STK33: variants seen among roughly 807,000 people sequenced by gnomAD.
The protein encoded by STK33 is serine/threonine-protein kinase 33.
STK33 carries 52 observed loss-of-function variants against 58.0 expected under a neutral mutation model. The ratio of observed to expected loss-of-function variants is 0.90; its 90% CI spans 0.72 to 1.13. STK33 has a LOEUF of 1.13. Among genes scored for constraint, STK33 ranks in the 50% most tolerant of loss-of-function variants. The pLI is 0.00. For missense variants in STK33, 630 were observed against 604.2 expected (o/e 1.04, Z -0.45); for synonymous variants, 215 against 200.1 (o/e 1.07, Z -0.63).
intron 1 of STK33, among the ~76,000 whole-genome samples, chr11:8,495,881 G>A (rs12577569): frequency 0.096 from 14,536 of 151,378 alleles, 1,673 homozygotes; most frequent in African/African-American, 0.28. Flanking sequence ...TCTCACTCAT[G>A]GATGGGAAGT....
intron 1 of STK33, among the ~76,000 whole-genome samples, chr11:8,520,269 A>C (rs538268671): frequency 1.8e-3 from 269 of 152,368 alleles, no homozygotes; most frequent in Non-Finnish European, 3.1e-3. Flanking sequence ...AAGATGCAGA[A>C]AAGGCCTTTG....
chr11:8,406,147 A>T (rs1373888418), intron 15 of STK33, among the ~76,000 whole-genome samples: 1 of 66,266 alleles, frequency 1.5e-5, no homozygotes, highest in Non-Finnish European at 2.7e-5. Flanking sequence ...CGTCTCAAAA[A>T]AAAAAAAAAA....
In STK33 at chr11:8,413,753, C is replaced by A. The variant is rs1261016691; in HGVS notation, c.1147-61G>T. Reference sequence around the variant, plus strand: ...ACTTAGAGAATTGAGACGATACCTACATCATTTAGCGAGACAGTCTCCCAA... The same window carrying A: ...ACTTAGAGAATTGAGACGATACCTAAATCATTTAGCGAGACAGTCTCCCAA... On this transcript the variant is annotated intron_variant, in intron 14 of 15. Coordinates refer to ENST00000687296, the MANE Select transcript of STK33 (RefSeq NM_001352389.2). The A allele has an allele frequency of 2.8e-6, 4 of 1,426,730 alleles. No individual in the cohort carries two copies. The East Asian group carries it at 9.1e-5, about 33-fold the overall frequency. 88.4% of individuals were successfully genotyped at this position (1,426,730 alleles called of 1,614,324 possible).
At chr11:8,387,083 C>T (rs1358812455), downstream of STK33, among the ~76,000 whole-genome samples, 6 of 152,328 alleles carry the variant, frequency 3.9e-5, no homozygotes, top group East Asian at 3.9e-4. Flanking sequence ...ACTTTTATCA[C>T]GCAAAGTCCT....
chr11:8,592,209 C>T (rs1189587981), intron 1 of STK33, among the ~76,000 whole-genome samples: 1 of 152,136 alleles, frequency 6.6e-6, no homozygotes, highest in East Asian at 1.9e-4. Context: ...TCGCCCCAGG[C>T]TCCAGGGATA....
chr11:8,568,784 T>C (rs535494407), intron 1 of STK33, among the ~76,000 whole-genome samples: 1 of 152,166 alleles, frequency 6.6e-6, no homozygotes, highest in Non-Finnish European at 1.5e-5. Flanking sequence ...CCCTTACATA[T>C]CCTTTGTAGA....
At chr11:8,568,580 C>T (rs1225017575) in intron 1 of STK33, among the ~76,000 whole-genome samples, 2 of 152,038 alleles carry the variant, frequency 1.3e-5, no homozygotes, top group Non-Finnish European at 2.9e-5. Context: ...AAAAATTAGA[C>T]GTTTGAAGTT....
rs563977558 is a variant in STK33, at chr11:8,576,333, C to T, written c.-466+17750G>A. Among the ~76,000 whole-genome samples, 3 of 152,320 alleles carry T rather than the reference C, an allele frequency of 2.0e-5. No individual in the cohort carries two copies. In the South Asian group the frequency reaches 6.2e-4, roughly 32 times the overall value. On this transcript the variant is annotated intron_variant, in intron 1 of 15. Coordinates refer to ENST00000687296, the MANE Select transcript of STK33 (RefSeq NM_001352389.2). ...CATTCAAAACACGAATTACAACCAA[C>T]ATTCAAGTCAGTGTGTTCTTAGGCC...
chr11:8,377,158 T>C, the STK33 span, among the ~76,000 whole-genome samples: 1 of 152,150 alleles, frequency 6.6e-6, no homozygotes, highest in Admixed American at 6.5e-5. Context: ...AAGCAAAAAC[T>C]AGAAGCTAGA....
chr11:8,383,265 C>A, the STK33 span, among the ~76,000 whole-genome samples: 2 of 152,168 alleles, frequency 1.3e-5, no homozygotes, highest in Non-Finnish European at 2.9e-5. Context: ...GTGGGAATTA[C>A]CTTCAAACCC....
chr11:8,551,656 G>A (rs970413389), intron 1 of STK33, among the ~76,000 whole-genome samples: 3 of 152,160 alleles, frequency 2.0e-5, no homozygotes, highest in African/African-American at 4.8e-5. Context: ...GAACTTAAAC[G>A]CTGGCTTGTC....
chr11:8,534,769 C>T (rs1270513939), intron 1 of STK33, among the ~76,000 whole-genome samples: 1 of 152,000 alleles, frequency 6.6e-6, no homozygotes, highest in Non-Finnish European at 1.5e-5. Context: ...GCATAAGACA[C>T]ACCAAAATGA....
At chr11:8,584,801 C>T (rs746402392) in intron 1 of STK33, among the ~76,000 whole-genome samples, 4 of 152,082 alleles carry the variant, frequency 2.6e-5, no homozygotes, top group Non-Finnish European at 4.4e-5. Flanking sequence ...AGTGAAAGGT[C>T]ATAACCCTAA....
At chr11:8,427,570 G>C (rs1236443216) in intron 14 of STK33, among the ~76,000 whole-genome samples, 1 of 151,494 alleles carries the variant, frequency 6.6e-6, no homozygotes, top group African/African-American at 2.4e-5. Flanking sequence ...TGTAATCTGA[G>C]ACTCCTATTA....
intron 1 of STK33, among the ~76,000 whole-genome samples, chr11:8,571,075 C>A (rs1957776330): frequency 6.6e-6 from 1 of 152,154 alleles, no homozygotes; most frequent in African/African-American, 2.4e-5. Context: ...ATGATGAGTT[C>A]CATGATTGCA....
intron 1 of STK33, among the ~76,000 whole-genome samples, chr11:8,536,971 G>GGTT (rs1414218820): frequency 2.4e-5 from 1 of 40,920 alleles, no homozygotes; most frequent in Non-Finnish European, 4.5e-5. Context: ...AAAAAAAAAA[G>GGTT]ATTTTTTTTT....
chr11:8,577,292 T>C (rs1281369708), intron 1 of STK33, among the ~76,000 whole-genome samples: 2 of 152,122 alleles, frequency 1.3e-5, no homozygotes, highest in Non-Finnish European at 2.9e-5. Context: ...CCAGAGTTCA[T>C]TAACTATGGA....
chr11:8,490,865 A>T (rs1950559286), intron 1 of STK33, among the ~76,000 whole-genome samples: 1 of 152,218 alleles, frequency 6.6e-6, no homozygotes, highest in Admixed American at 6.5e-5. Context: ...GTTAAAAGGA[A>T]AACCAACAAA....
chr11:8,397,421 C>G (rs951180256), intron 15 of STK33, among the ~76,000 whole-genome samples: 1 of 152,194 alleles, frequency 6.6e-6, no homozygotes, highest in African/African-American at 2.4e-5. Flanking sequence ...AGAATAAAAA[C>G]TAACAAACAG....
Sources: gnomAD v4.1 joint callset for allele counts (sites outside exome capture counted in the v4.1 genomes callset) on GRCh38, gnomAD v4.1.1 for gene constraint, MANE v1.5 for transcripts, NCBI Gene and HGNC (gene_info 2026-07-23, HGNC 2026-07-21) for gene names.